The following TTC23 variants were observed in gnomAD, a reference collection of about 807,000 sequenced individuals.
The protein encoded by TTC23 is tetratricopeptide repeat protein 23.
Under a neutral mutation model 55.1 loss-of-function variants are expected in TTC23, and 58 were observed. The ratio of observed to expected loss-of-function variants is 1.05; its 90% confidence interval spans 0.85 to 1.31. The LOEUF (loss-of-function observed/expected upper bound fraction) is 1.31, where lower values mean the gene tolerates loss of function less well. Ranked by LOEUF, TTC23 falls within the 50% of genes most tolerant of loss-of-function variation. The pLI, the probability that TTC23 is intolerant of heterozygous loss-of-function variation, is 0.00. For missense variants in TTC23, 516 were observed against 534.4 expected (o/e 0.97, Z 0.34); for synonymous variants, 203 against 199.9 (o/e 1.02, Z -0.13).
At position 99,228,709 on chromosome 15, in the gene TTC23, G is replaced by A; in HGVS notation, c.4C>T (p.Gln2Ter). ...GATATGTGGGTTTCCTGTGATTCTTGCATATTTTTATATACATTGTCTTCT... is the reference window on the plus strand; with the variant it reads ...GATATGTGGGTTTCCTGTGATTCTTACATATTTTTATATACATTGTCTTCT... M[Q>*]ESQETHISNH... Residue 2 changes from glutamine (Q) to a stop codon, truncating the protein, a stop_gained, in exon 5 of 14, where the codon CAA (glutamine) becomes TAA (stop). Transcript: ENST00000394132. LOFTEE classifies it high-confidence loss of function. The A allele has an allele frequency of 1.3e-6, 2 of 1,589,358 alleles. No individual in the cohort carries two copies. Among genetic ancestry groups the A allele is most frequent in the Non-Finnish European group, 1.7e-6 (2 of 1,167,506 alleles).
At chr15:99,163,253 T>G (rs1184612452) in intron 10 of TTC23, among the ~76,000 whole-genome samples, 2 of 152,138 alleles carry the variant, frequency 1.3e-5, no homozygotes, top group African/African-American at 4.8e-5. Flanking sequence ...AGAGATTTGA[T>G]GAGAAGGATT....
At chr15:99,163,282 G>C (rs1313588530) in intron 10 of TTC23, among the ~76,000 whole-genome samples, 1 of 152,196 alleles carries the variant, frequency 6.6e-6, no homozygotes, top group Non-Finnish European at 1.5e-5. Context: ...TGCTGAGATG[G>C]AGAGGGATAT....
chr15:99,170,711 G>C (rs1298618354), intron 10 of TTC23, among the ~76,000 whole-genome samples: 6 of 152,246 alleles, frequency 3.9e-5, no homozygotes, highest in African/African-American at 1.4e-4. Context: ...GGCCGCAGTA[G>C]ATTTCTTTCA....
At chr15:99,191,876 T>A (rs1251462836) in intron 9 of TTC23, among the ~76,000 whole-genome samples, 1 of 152,158 alleles carries the variant, frequency 6.6e-6, no homozygotes, top group African/African-American at 2.4e-5. Context: ...CCTAGATACT[T>A]GTTGAATGGC....
intron 12 of TTC23, among the ~76,000 whole-genome samples, chr15:99,154,154 G>C (rs2070221650): frequency 6.6e-6 from 1 of 152,186 alleles, no homozygotes; most frequent in Admixed American, 6.5e-5. Context: ...AACCTCCAAA[G>C]AATGCGGAGT....
At chr15:99,183,586 G>A (rs1156943299) in intron 9 of TTC23, among the ~76,000 whole-genome samples, 2 of 146,412 alleles carry the variant, frequency 1.4e-5, no homozygotes, top group South Asian at 2.1e-4. Context: ...TGATCCACCT[G>A]CCTCGGCCTC....
chr15:99,230,623 C>T (rs2078857945), intron 4 of TTC23, among the ~76,000 whole-genome samples: 1 of 151,968 alleles, frequency 6.6e-6, no homozygotes, highest in African/African-American at 2.4e-5. Flanking sequence ...AAAAAAGACA[C>T]ATTACGTATA....
chr15:99,245,027 A>C (rs1276345127), intron 2 of TTC23, among the ~76,000 whole-genome samples: 1 of 152,234 alleles, frequency 6.6e-6, no homozygotes, highest in Non-Finnish European at 1.5e-5. Context: ...CACACACACA[A>C]AAATGGTAAT....
At chr15:99,199,830 C>G (rs1318901871) in intron 9 of TTC23, 89 bp downstream of exon 9, 2 of 1,325,634 alleles carry the variant, frequency 1.5e-6, no homozygotes, top group Non-Finnish European at 2.1e-6. Context: ...AATGACAAAG[C>G]CAGGCATTTT....
At position 99,221,940 on chromosome 15, in the gene TTC23, AT is replaced by A. The variant is rs548065820; in HGVS notation, c.181-77del. The A allele has an allele frequency of 1.4e-4, 216 of 1,537,178 alleles. No individual in the cohort carries two copies. In the African/African-American group the frequency reaches 2.2e-3, roughly 16 times the overall value. ...AAACACAAAATCAATGCGCTTTTAT[AT>A]CCCTTTGATAAATACTGAGTGACTA... On this transcript the variant is annotated intron_variant, in intron 5 of 13. Transcript: ENST00000394132.
chr15:99,164,183 A>C (rs1280869019), intron 10 of TTC23, among the ~76,000 whole-genome samples: 2 of 152,224 alleles, frequency 1.3e-5, no homozygotes, highest in Non-Finnish European at 2.9e-5. Context: ...TGGCAAACTT[A>C]TTCTGTAAAG....
chr15:99,219,790 C>T (rs921767139), intron 6 of TTC23, among the ~76,000 whole-genome samples: 1 of 152,202 alleles, frequency 6.6e-6, no homozygotes, highest in Non-Finnish European at 1.5e-5. Context: ...CCGACAACCA[C>T]TTCCACTCAC....
At chr15:99,184,399 C>T (rs565613587) in intron 9 of TTC23, among the ~76,000 whole-genome samples, 234 of 152,316 alleles carry the variant, frequency 1.5e-3, no homozygotes, top group African/African-American at 5.4e-3. Flanking sequence ...CCTGCAAAGC[C>T]ACAGGGGCAG....
intron 9 of TTC23, among the ~76,000 whole-genome samples, chr15:99,191,559 T>C (rs1235368784): frequency 6.6e-6 from 1 of 152,234 alleles, no homozygotes; most frequent in Non-Finnish European, 1.5e-5. Flanking sequence ...CCAATCTCTC[T>C]TTTTGCCTGC....
chr15:99,246,716 C>T (rs563816449), intron 1 of TTC23, among the ~76,000 whole-genome samples: 1 of 151,994 alleles, frequency 6.6e-6, no homozygotes, highest in South Asian at 2.1e-4. Flanking sequence ...TTCAGGAGTT[C>T]GAGACCTGCC....
At chr15:99,181,910 C>A (rs1004139616) in intron 9 of TTC23, among the ~76,000 whole-genome samples, 1 of 152,094 alleles carries the variant, frequency 6.6e-6, no homozygotes, top group Non-Finnish European at 1.5e-5. Flanking sequence ...TGGCAGCTCT[C>A]CAGTTGTCAA....
At chr15:99,229,568 T>C (rs988318571) in intron 4 of TTC23, among the ~76,000 whole-genome samples, 1 of 152,126 alleles carries the variant, frequency 6.6e-6, no homozygotes, top group Non-Finnish European at 1.5e-5. Flanking sequence ...TGACTAGAAC[T>C]GACAGGACAA....
intron 3 of TTC23, among the ~76,000 whole-genome samples, chr15:99,236,982 G>GTTTT (rs200232010): frequency 2.1e-5 from 3 of 141,564 alleles, no homozygotes; most frequent in Admixed American, 7.1e-5. Flanking sequence ...TCACTCCTAA[G>GTTTT]TTTTTTTTTT....
At chr15:99,182,363 C>T (rs1567416076) in intron 9 of TTC23, among the ~76,000 whole-genome samples, 1 of 151,890 alleles carries the variant, frequency 6.6e-6, no homozygotes, top group Non-Finnish European at 1.5e-5. Flanking sequence ...GCCACAATGG[C>T]CAGACAGCTA....
Sources: gnomAD v4.1 joint callset for allele counts (sites outside exome capture counted in the v4.1 genomes callset) on GRCh38, gnomAD v4.1.1 for gene constraint, MANE v1.5 for transcripts, NCBI Gene and HGNC (gene_info 2026-07-23, HGNC 2026-07-21) for gene names.